Variants in IFT70B observed in about 807,000 individuals in gnomAD.
IFT70B encodes the protein intraflagellar transport 70B, also known as intraflagellar transport protein 70B.
At chr2:177,552,699 A>C in the IFT70B span, 11 of 1,599,190 alleles carry the variant, frequency 6.9e-6, no homozygotes, top group South Asian at 1.1e-5. Context: ...TGCATTGCGG[A>C]TGAGGCGGTA....
the IFT70B span, chr2:177,552,602 G>A: frequency 6.3e-7 from 1 of 1,595,036 alleles, no homozygotes; most frequent in Admixed American, 1.8e-5. Flanking sequence ...GGCGGTAGTA[G>A]CAGTAGCCTA....
At chr2:177,552,351 T>G in the IFT70B span, 2 of 1,614,256 alleles carry the variant, frequency 1.2e-6, no homozygotes, top group Admixed American at 1.7e-5. Context: ...ACTCGGCAGC[T>G]GCTCTACCAG....
chr2:177,549,658 C>T, the IFT70B span: 4 of 152,134 alleles, frequency 2.6e-5, no homozygotes, highest in Admixed American at 2.6e-4. Flanking sequence ...AATAGTAAGG[C>T]TCTTGTAAGG....
At chr2:177,552,218 C>T in the IFT70B span, 1 of 1,614,248 alleles carries the variant, frequency 6.2e-7, no homozygotes, top group Non-Finnish European at 8.5e-7. Flanking sequence ...AGCCCGAGGC[C>T]TGCAGGGCGG....
chr2:177,552,633 C>G, the IFT70B span: 2 of 1,589,214 alleles, frequency 1.3e-6, no homozygotes, highest in Non-Finnish European at 1.7e-6. Flanking sequence ...GCCGGCGCGG[C>G]TCCTAGGGCT....
the IFT70B span, chr2:177,549,913 T>C: frequency 0.86 from 130,269 of 152,222 alleles, 55,864 homozygotes; most frequent in East Asian, 0.97. Context: ...CAGTGATTTG[T>C]GCCAGTAGTC....
chr2:177,552,068 C>G, the IFT70B span: 2 of 1,614,114 alleles, frequency 1.2e-6, no homozygotes, highest in South Asian at 1.1e-5. Flanking sequence ...CATCAATGCC[C>G]TCAGTGGTCA....
the IFT70B span, chr2:177,552,425 G>A: frequency 6.2e-7 from 1 of 1,613,412 alleles, no homozygotes; most frequent in Non-Finnish European, 8.5e-7. Flanking sequence ...GGAGGACCCG[G>A]CTGTGGTAGG....
the IFT70B span, chr2:177,550,316 C>A: frequency 6.5e-6 from 1 of 152,940 alleles, no homozygotes; most frequent in Admixed American, 6.5e-5. Flanking sequence ...CCAAAATATC[C>A]TAAAGTCTAT....
the IFT70B span, chr2:177,551,807 A>G: frequency 6.2e-7 from 1 of 1,614,224 alleles, no homozygotes; most frequent in Non-Finnish European, 8.5e-7. Context: ...AAGTCTCTGG[A>G]GGAAAGGGAT....
chr2:177,552,618 G>C, the IFT70B span: 9 of 1,592,230 alleles, frequency 5.7e-6, no homozygotes, highest in Admixed American at 1.8e-5. Flanking sequence ...GCCTAGCAGC[G>C]ACAGGCCGGC....
the IFT70B span, chr2:177,550,006 T>C: frequency 6.6e-6 from 1 of 152,204 alleles, no homozygotes. Context: ...TAACAAAACC[T>C]GTGTCTCTTA....
chr2:177,551,071 A>ATCTC, the IFT70B span: 1 of 1,614,192 alleles, frequency 6.2e-7, no homozygotes, highest in Non-Finnish European at 8.5e-7. Flanking sequence ...ATAACTCGAG[A>ATCTC]AATACCAAAG....
the IFT70B span, chr2:177,551,604 G>C: frequency 6.2e-7 from 1 of 1,614,168 alleles, no homozygotes; most frequent in Non-Finnish European, 8.5e-7. Context: ...GAGGACCTCA[G>C]TCAGCATCCC....
chr2:177,550,575 CT>C, the IFT70B span: 1 of 483,138 alleles, frequency 2.1e-6, no homozygotes, highest in Non-Finnish European at 3.5e-6. Flanking sequence ...TTCATAACTC[CT>C]GGGGTAAAAG....
At chr2:177,551,735 C>T in the IFT70B span, 1 of 1,614,068 alleles carries the variant, frequency 6.2e-7, no homozygotes, top group African/African-American at 1.3e-5. Context: ...CATTTTCTGC[C>T]AGGACATCTG....
At chr2:177,550,247 A>C in the IFT70B span, 1 of 152,248 alleles carries the variant, frequency 6.6e-6, no homozygotes, top group Non-Finnish European at 1.5e-5. Flanking sequence ...CGTTAAAACC[A>C]CTTATAACCT....
the IFT70B span, chr2:177,549,634 G>A: frequency 6.6e-6 from 1 of 152,168 alleles, no homozygotes; most frequent in Non-Finnish European, 1.5e-5. Flanking sequence ...AGAGGAGTGA[G>A]GAGTGGGAAA....
the IFT70B span, chr2:177,552,680 G>C: frequency 6.3e-6 from 10 of 1,596,212 alleles, no homozygotes; most frequent in Non-Finnish European, 8.5e-6. Flanking sequence ...GCACCGCCTC[G>C]GCGTAGCGTG....
Sources: allele counts gnomAD v4.1 joint callset, GRCh38; gene constraint gnomAD v4.1.1; transcripts MANE v1.5; gene names NCBI Gene and HGNC (gene_info 2026-07-23, HGNC 2026-07-21).